Variants in FAM184A observed in about 807,000 individuals in gnomAD.
The protein encoded by FAM184A is family with sequence similarity 184 member A.
Under a neutral mutation model 143.8 loss-of-function variants are expected in FAM184A, and 99 were observed. The ratio of observed to expected loss-of-function variants is 0.69; its 90% CI spans 0.58 to 0.81. FAM184A has a LOEUF of 0.81. Ranked by LOEUF, FAM184A falls within the 40% of genes least tolerant of loss-of-function variation. The probability of loss-of-function intolerance (pLI) is 0.00; values close to 1 mark genes in which losing one functional copy is unlikely to be tolerated. For missense variants in FAM184A, 1,217 were observed against 1,310.5 expected (o/e 0.93, Z 1.10); for synonymous variants, 427 against 446.4 (o/e 0.96, Z 0.55).
chr6:119,076,114 T>TG (rs748074586), intron 1 of FAM184A, among the ~76,000 whole-genome samples: 1 of 150,946 alleles, frequency 6.6e-6, no homozygotes, highest in Admixed American at 6.6e-5. Flanking sequence ...TGACTGGGGG[T>TG]GGGGGGTGAG....
At chr6:119,014,752 A>T (rs1456910079) in intron 5 of FAM184A, among the ~76,000 whole-genome samples, 1 of 152,232 alleles carries the variant, frequency 6.6e-6, no homozygotes, top group Non-Finnish European at 1.5e-5. Context: ...ATTACAAGAC[A>T]GAAACCATCA....
intron 1 of FAM184A, among the ~76,000 whole-genome samples, chr6:119,045,479 T>C (rs1786492943): frequency 1.3e-5 from 2 of 152,206 alleles, no homozygotes; most frequent in East Asian, 3.9e-4. Flanking sequence ...AAAATGCATT[T>C]TGGCATTACA....
At chr6:119,081,580 A>G (rs1016987030), upstream of FAM184A, among the ~76,000 whole-genome samples, 7 of 152,186 alleles carry the variant, frequency 4.6e-5, no homozygotes, top group African/African-American at 1.7e-4. Context: ...AGGGCTTTCT[A>G]TATCCTGGGG....
At chr6:118,979,639 T>C (rs1012940473) in intron 10 of FAM184A, 121 bp from the exon 11 acceptor site, 2 of 761,164 alleles carry the variant, frequency 2.6e-6, no homozygotes, top group African/African-American at 3.6e-5. Context: ...TTAGGTTCAT[T>C]TTCAAGAAAA....
intron 1 of FAM184A, among the ~76,000 whole-genome samples, chr6:119,030,555 C>T (rs114773041): frequency 0.018 from 2,738 of 151,930 alleles, 32 homozygotes; most frequent in Middle Eastern, 0.041. Context: ...ATATTATCTA[C>T]CTTAGCAGCA....
intron 1 of FAM184A, among the ~76,000 whole-genome samples, chr6:119,030,757 A>AT (rs1252800671): frequency 1.3e-5 from 2 of 151,866 alleles, no homozygotes; most frequent in Non-Finnish European, 2.9e-5. Context: ...AAAATTGGCT[A>AT]TTTTTTTACA....
At chr6:118,978,882 C>T (rs1783928750) in intron 11 of FAM184A, among the ~76,000 whole-genome samples, 1 of 152,216 alleles carries the variant, frequency 6.6e-6, no homozygotes, top group South Asian at 2.1e-4. Context: ...CAAAACTCAA[C>T]CTACCTCCTT....
intron 1 of FAM184A, among the ~76,000 whole-genome samples, chr6:119,132,240 G>T (rs1013929309): frequency 1.3e-5 from 2 of 152,162 alleles, no homozygotes; most frequent in Non-Finnish European, 2.9e-5. Context: ...AATTTACACT[G>T]TTAGCCATCC....
Position 118,998,011 on chromosome 6 carries a change from C to T in FAM184A, c.2088+4888G>A, listed in dbSNP as rs552166362. Among the ~76,000 whole-genome samples the T allele has an allele frequency of 4.6e-5, 7 of 152,236 alleles. No individual in the cohort carries two copies. The East Asian group carries it at 1.2e-3, about 25-fold the overall frequency. On this transcript the variant is annotated intron_variant, in intron 9 of 17. Coordinates refer to ENST00000338891, the MANE Select transcript of FAM184A (RefSeq NM_024581.6). ...ATGCTGTTTCTTAGTCTAGTCATTGCCCTTTCCTACTGAGTATGAAAAATT... is the reference window on the plus strand; with the variant it reads ...ATGCTGTTTCTTAGTCTAGTCATTGTCCTTTCCTACTGAGTATGAAAAATT...
intron 1 of FAM184A, among the ~76,000 whole-genome samples, chr6:119,062,688 T>C (rs1787305626): frequency 6.6e-6 from 1 of 152,050 alleles, no homozygotes; most frequent in Admixed American, 6.6e-5. Flanking sequence ...AAAGATTGGT[T>C]AGTTCCACTG....
chr6:119,062,847 A>C (rs1318279880), intron 1 of FAM184A, among the ~76,000 whole-genome samples: 1 of 152,200 alleles, frequency 6.6e-6, no homozygotes, highest in African/African-American at 2.4e-5. Context: ...TGTCTTATAC[A>C]TCTGTTAGAT....
chr6:119,076,959 G>A (rs1420213300), intron 1 of FAM184A, among the ~76,000 whole-genome samples: 1 of 152,128 alleles, frequency 6.6e-6, no homozygotes, highest in African/African-American at 2.4e-5. Context: ...ACAAGACGTT[G>A]GTTGAGTTTT....
At chr6:119,128,566 A>G (rs1359105568) in intron 1 of FAM184A, among the ~76,000 whole-genome samples, 1 of 152,218 alleles carries the variant, frequency 6.6e-6, no homozygotes, top group Non-Finnish European at 1.5e-5. Flanking sequence ...GAACATAATT[A>G]GATAAACATG....
intron 1 of FAM184A, among the ~76,000 whole-genome samples, chr6:119,084,831 G>A (rs770815523): frequency 4.6e-5 from 7 of 152,204 alleles, no homozygotes; most frequent in South Asian, 2.1e-4. Context: ...CTGCACATCC[G>A]CAGGCTTCAT....
chr6:118,965,450 A>G (rs1783473628), intron 15 of FAM184A, among the ~76,000 whole-genome samples: 2 of 152,212 alleles, frequency 1.3e-5, no homozygotes, highest in South Asian at 4.1e-4. Context: ...GTGATTGCCC[A>G]CATAGAGATA....
At chr6:119,145,732 C>T (rs1296833651) in intron 1 of FAM184A, among the ~76,000 whole-genome samples, 2 of 152,130 alleles carry the variant, frequency 1.3e-5, no homozygotes, top group Admixed American at 6.5e-5. Context: ...GCACCAGTGA[C>T]CCAATTCAAA....
At chr6:118,966,989 T>A in intron 14 of FAM184A, 37 bp from the exon 15 acceptor site, 1 of 976,632 alleles carries the variant, frequency 1.0e-6, no homozygotes, top group Non-Finnish European at 1.6e-6. Context: ...TTGATATCAC[T>A]CAGATACATT....
At chr6:118,976,474 T>A (rs1783851839) in intron 11 of FAM184A, among the ~76,000 whole-genome samples, 1 of 151,622 alleles carries the variant, frequency 6.6e-6, no homozygotes, top group African/African-American at 2.4e-5. Context: ...ACCAGCCTGA[T>A]CAACATGGTG....
intron 1 of FAM184A, among the ~76,000 whole-genome samples, chr6:119,107,119 G>T (rs77503297): frequency 9.9e-5 from 15 of 152,150 alleles, no homozygotes; most frequent in Non-Finnish European, 2.1e-4. Context: ...TTAATGTGTA[G>T]TAAACATTAA....
Sources: allele counts gnomAD v4.1 joint callset (sites outside exome capture counted in the v4.1 genomes callset), GRCh38; gene constraint gnomAD v4.1.1; transcripts MANE v1.5; gene names NCBI Gene and HGNC (gene_info 2026-07-23, HGNC 2026-07-21).